KHDRBS2: variants seen among roughly 807,000 people sequenced by gnomAD.
The protein encoded by KHDRBS2 is KH domain-containing, RNA-binding, signal transduction-associated protein 2.
Under a neutral mutation model 44.3 loss-of-function variants are expected in KHDRBS2, and 26 were observed. The ratio of observed to expected loss-of-function variants is 0.59; its 90% confidence interval spans 0.43 to 0.81. The LOEUF is 0.81. Among genes scored for constraint, KHDRBS2 ranks in the 40% least tolerant of loss-of-function variants. The pLI is 0.00. For missense variants in KHDRBS2, 476 were observed against 433.1 expected, an observed-to-expected ratio of 1.10 and a Z score of -0.88; for synonymous variants, 194 against 151.1, an observed-to-expected ratio of 1.28 and a Z score of -2.08.
downstream of KHDRBS2, among the ~76,000 whole-genome samples, chr6:61,675,541 C>G (rs1287541938): frequency 3.3e-5 from 5 of 151,606 alleles, no homozygotes. Context: ...ATACTGTATA[C>G]TAAAAGTGAA....
intron 3 of KHDRBS2, among the ~76,000 whole-genome samples, chr6:61,983,310 C>A (rs1421403590): frequency 7.1e-6 from 1 of 141,710 alleles, no homozygotes; most frequent in East Asian, 2.2e-4. Flanking sequence ...CTCCTGGGCT[C>A]AAGTGATCCC....
intron 2 of KHDRBS2, among the ~76,000 whole-genome samples, chr6:62,135,540 G>C (rs1421652109): frequency 1.3e-5 from 2 of 152,030 alleles, no homozygotes; most frequent in Non-Finnish European, 2.9e-5. Flanking sequence ...ACAGACCCAA[G>C]GGAATTAAAA....
At chr6:62,192,895 G>A (rs1206274365) in intron 1 of KHDRBS2, among the ~76,000 whole-genome samples, 2 of 152,064 alleles carry the variant, frequency 1.3e-5, no homozygotes, top group South Asian at 2.1e-4. Context: ...CAGTCATTAC[G>A]CTTGTTGCTC....
At chr6:62,094,431 A>G (rs1267930920) in intron 2 of KHDRBS2, among the ~76,000 whole-genome samples, 5 of 151,904 alleles carry the variant, frequency 3.3e-5, no homozygotes, top group Admixed American at 3.3e-4. Flanking sequence ...TATTTTGGAT[A>G]TTAATCCCTT....
chr6:61,661,419 G>T, the KHDRBS2 span: 3 of 151,758 alleles, frequency 2.0e-5, no homozygotes, highest in African/African-American at 7.3e-5. Context: ...ACACATACAG[G>T]CATCTATAAG....
intron 6 of KHDRBS2, among the ~76,000 whole-genome samples, chr6:61,855,018 CT>C (rs1795953417): frequency 6.6e-6 from 1 of 152,102 alleles, no homozygotes; most frequent in African/African-American, 2.4e-5. Flanking sequence ...TTAACCTCCC[CT>C]AATGTTCAAA....
chr6:62,177,703 T>C (rs1345700275), intron 1 of KHDRBS2, among the ~76,000 whole-genome samples: 1 of 151,492 alleles, frequency 6.6e-6, no homozygotes, highest in Non-Finnish European at 1.5e-5. Context: ...TTTAAGGATA[T>C]ATGCTTTATT....
intron 1 of KHDRBS2, among the ~76,000 whole-genome samples, chr6:62,196,195 G>A (rs1460821564): frequency 6.6e-6 from 1 of 152,144 alleles, no homozygotes; most frequent in East Asian, 1.9e-4. Flanking sequence ...GCCTAGGGTA[G>A]TGGTGCAAAT....
At chr6:61,673,061 A>T in the KHDRBS2 span, among the ~76,000 whole-genome samples, 217 of 151,720 alleles carry the variant, frequency 1.4e-3, no homozygotes, top group Middle Eastern at 0.02. Context: ...AGCTTTCTAC[A>T]TATGGCTAGC....
chr6:62,121,356 G>T (rs1439645182), intron 2 of KHDRBS2, among the ~76,000 whole-genome samples: 2 of 152,222 alleles, frequency 1.3e-5, no homozygotes, highest in Non-Finnish European at 2.9e-5. Flanking sequence ...CAGGGGTGGT[G>T]ATTCCCACCA....
the KHDRBS2 span, among the ~76,000 whole-genome samples, chr6:61,645,036 T>C: frequency 6.6e-6 from 1 of 152,072 alleles, no homozygotes; most frequent in East Asian, 1.9e-4. Context: ...TGCAGCACTA[T>C]TCACAATAGC....
intron 6 of KHDRBS2, among the ~76,000 whole-genome samples, chr6:61,773,802 T>C (rs999517006): frequency 2.5e-4 from 38 of 150,642 alleles, no homozygotes; most frequent in African/African-American, 8.6e-4. Flanking sequence ...CTTTAAACCA[T>C]CTTGAATTAA....
At chr6:61,814,145 T>C in intron 6 of KHDRBS2, 1 of 435,062 alleles carries the variant, frequency 2.3e-6, no homozygotes, top group Non-Finnish European at 4.6e-6. Context: ...TTGAATCCTG[T>C]AGCAAACAGA....
At chr6:61,572,885 A>G in the KHDRBS2 span, among the ~76,000 whole-genome samples, 5 of 152,220 alleles carry the variant, frequency 3.3e-5, no homozygotes, top group Non-Finnish European at 7.3e-5. Flanking sequence ...AAAACTTGAA[A>G]GCATTCCCCT....
intron 2 of KHDRBS2, among the ~76,000 whole-genome samples, chr6:62,120,853 A>G (rs943490854): frequency 6.6e-6 from 1 of 152,196 alleles, no homozygotes; most frequent in Non-Finnish European, 1.5e-5. Flanking sequence ...TACATTACCA[A>G]CAAATTATGA....
chr6:61,946,353 G>A (rs1305035021), intron 4 of KHDRBS2, among the ~76,000 whole-genome samples: 7 of 152,170 alleles, frequency 4.6e-5, no homozygotes. Context: ...CCTCTTTCAA[G>A]TTTAAAGATA....
chr6:62,079,336 C>A (rs991028747), intron 2 of KHDRBS2, among the ~76,000 whole-genome samples: 2 of 151,810 alleles, frequency 1.3e-5, no homozygotes, highest in South Asian at 4.2e-4. Flanking sequence ...TTTAACATAA[C>A]GGTCACCAGA....
intron 2 of KHDRBS2, among the ~76,000 whole-genome samples, chr6:62,171,987 T>C (rs1421604639): frequency 6.6e-6 from 1 of 152,066 alleles, no homozygotes; most frequent in Non-Finnish European, 1.5e-5. Context: ...CTTAAGTACA[T>C]AGACCATTTA....
intron 6 of KHDRBS2, among the ~76,000 whole-genome samples, chr6:61,793,752 CCAAAT>C (rs1170390362): frequency 5.3e-5 from 8 of 151,908 alleles, no homozygotes; most frequent in Non-Finnish European, 8.8e-5. Flanking sequence ...ATGCCACAAA[CCAAAT>C]CAAACACTTA....
Sources: gnomAD v4.1 joint callset for allele counts (sites outside exome capture counted in the v4.1 genomes callset) on GRCh38, gnomAD v4.1.1 for gene constraint, MANE v1.5 for transcripts, NCBI Gene and HGNC (gene_info 2026-07-23, HGNC 2026-07-21) for gene names.